Variants in SERPINB9 observed in about 807,000 individuals in gnomAD.
The protein encoded by SERPINB9 is serpin B9.
A neutral mutation model predicts 27.2 loss-of-function variants in SERPINB9; 20 were observed. The observed-to-expected ratio is 0.74, with a 90% CI of 0.52 to 1.07. SERPINB9 has a LOEUF of 1.07. SERPINB9 is among the 50% of genes least tolerant of loss of function. SERPINB9 has a pLI of 0.00. For missense variants in SERPINB9, 476 were observed against 460.1 expected (o/e 1.03, Z -0.32); for synonymous variants, 189 against 180.0 (o/e 1.05, Z -0.40).
Position 2,890,096 on chromosome 6 carries a change from G to T in SERPINB9, c.*67C>A. 6.6e-7 allele frequency: 1 copy of T among 1,504,364 alleles called. No individual in the cohort carries two copies. The highest frequency in any genetic ancestry group is 9.0e-7 in the Non-Finnish European group (1 of 1,111,386). 93.2% of individuals were successfully genotyped at this position (1,504,364 alleles called of 1,614,324 possible). On this transcript the variant is annotated 3_prime_UTR_variant, in exon 7 of 7. Transcript: ENST00000380698. This position sits in a 1 kb window ranked among gnomAD's most constrained non-coding sequence, Gnocchi z 6.2. ...CTTGGCTTTCTAGGCCCATCCTCTT[G>T]GAGCTGTAGTGGGGATCTGGGGACA...
At chr6:2,901,527 C>T (rs925147873) in intron 1 of SERPINB9, among the ~76,000 whole-genome samples, 1 of 152,090 alleles carries the variant, frequency 6.6e-6, no homozygotes, top group Non-Finnish European at 1.5e-5. Context: ...GTAAAACAGG[C>T]GAGAACAAGG....
intron 1 of SERPINB9, among the ~76,000 whole-genome samples, chr6:2,901,902 C>A (rs1197536728): frequency 6.6e-6 from 1 of 152,078 alleles, no homozygotes; most frequent in African/African-American, 2.4e-5. Flanking sequence ...CGCTGGAGAG[C>A]CTTGGACAAT....
rs1338252111 is a variant in SERPINB9 at position 2,890,598 on chromosome 6, T to C, written c.724-28A>G. 1.3e-6 allele frequency: 2 copies of C among 1,586,670 alleles called. No homozygotes were observed. Among genetic ancestry groups the C allele is most frequent in the African/African-American group, 2.7e-5 (2 of 74,148 alleles). ...GAAAGACCAGAATTAGACTTTAAGA[T>C]TCCGACTTCAGTGCACATGTACAAG... On this transcript the variant is annotated intron_variant, in intron 6 of 6. Transcript: ENST00000380698. The surrounding 1 kb of genome is among the most constrained non-coding windows in gnomAD (Gnocchi z 6.2).
At chr6:2,898,299 G>C (rs1768071325) in intron 2 of SERPINB9, among the ~76,000 whole-genome samples, 1 of 152,036 alleles carries the variant, frequency 6.6e-6, no homozygotes, top group African/African-American at 2.4e-5. Flanking sequence ...ATTTACTTTA[G>C]ACAGCTCATA....
rs367551618 is a variant in SERPINB9 at position 2,890,441 on chromosome 6, G to A, written c.853C>T (p.Arg285Trp). The A allele has an allele frequency of 3.3e-5, 54 of 1,614,052 alleles. 1 individual carries two copies. The highest frequency in any genetic ancestry group is 6.7e-5 in the East Asian group (3 of 44,896). ...QEDYDMESVL[R>W]HLGIVDAFQQ... ...AAGGCATCAACAATTCCCAAATGCC[G>A]AAGCACAGATTCCATGTCATAATCC... Residue 285 changes from arginine (R) to tryptophan (W), a missense_variant, in exon 7 of 7, where the codon CGG becomes TGG. Physicochemically the swap from Arg to Trp is moderately radical, Grantham distance 101 (BLOSUM62 -3). Coordinates refer to ENST00000380698, the MANE Select transcript of SERPINB9 (RefSeq NM_004155.6). This position sits in a 1 kb window ranked among gnomAD's most constrained non-coding sequence, Gnocchi z 6.2.
rs75403048 is a variant in SERPINB9 at position 2,887,380 on chromosome 6, C to T, written c.*2783G>A. The T allele has an allele frequency of 4.8e-3, 731 of 151,914 alleles. 8 individuals are homozygous for T. Among genetic ancestry groups the T allele is most frequent in the African/African-American group, 0.017 (708 of 41,414 alleles). The allele number at this position is 151,914 out of a possible 1,614,324, so 9.4% of individuals were successfully genotyped here. A position where few individuals can be genotyped will look rare whatever the true frequency, so the allele number is the denominator to read the frequency against. On this transcript the variant is annotated 3_prime_UTR_variant, in exon 7 of 7. Transcript: ENST00000380698. ...ACAGAGGGATAATATCTTTAATAGG[C>T]AAAGACATATGTAAAAACGAAGCAG...
chr6:2,892,238 G>C (rs1767835434), intron 5 of SERPINB9, among the ~76,000 whole-genome samples: 1 of 151,342 alleles, frequency 6.6e-6, no homozygotes, highest in Non-Finnish European at 1.5e-5. Context: ...ATTTTCCAGA[G>C]GAGAAAGATG....
rs909623007 is a variant in SERPINB9, at chr6:2,903,111, T to C, written c.-11+90A>G. On this transcript the variant is annotated intron_variant, in intron 1 of 6. Coordinates refer to ENST00000380698, the MANE Select transcript of SERPINB9 (RefSeq NM_004155.6). This position sits in a 1 kb window ranked among gnomAD's most constrained non-coding sequence, Gnocchi z 5.2. ...GCTCTTGGCTGAGCGACCTCTCCTG[T>C]CCTCCGGTCCCATCACTCGGTGGCA... The C allele has an allele frequency of 8.6e-5, 13 of 151,744 alleles. No individual in the cohort carries two copies. The highest frequency in any genetic ancestry group is 7.2e-4 in the Admixed American group (11 of 15,254). 9.4% of individuals were successfully genotyped at this position (151,744 alleles called of 1,614,324 possible). A position where few individuals can be genotyped will look rare whatever the true frequency, so the allele number is the denominator to read the frequency against.
rs1415931899 is a variant in SERPINB9 at position 2,900,509 on chromosome 6, T to C, written c.103A>G (p.Ile35Val). Residue 35 changes from isoleucine to valine, a missense_variant, in exon 2 of 7, where the codon ATC (isoleucine) becomes GTC (valine). Transcript: ENST00000380698. ...AGAACCATGGCCAGGGCAGAGGAGA[T>C]GCTCACAGGAGAACAGAACACGTTG... is the stretch of plus-strand genomic sequence containing the variant. ...SHNVFCSPVSISSALAMVLLG... is the reference protein window; with the variant it reads ...SHNVFCSPVSVSSALAMVLLG... The C allele has an allele frequency of 5.6e-6, 9 of 1,614,024 alleles. No homozygotes were observed. The highest frequency in any genetic ancestry group is 1.7e-5 in the Admixed American group (1 of 59,998).
rs1419321957 is a variant in SERPINB9 at position 2,890,474 on chromosome 6, G to C, written c.820C>G (p.Leu274Val). ...EVEVLLPKFK[L>V]QEDYDMESVL... ...GATTCCATGTCATAATCCTCTTGTA[G>C]TTTAAATTTTGGAAGGAGAACTTCA... The change falls in exon 7 of 7, where the codon CTA becomes GTA. Residue 274 changes from leucine to valine, a missense_variant. Coordinates refer to ENST00000380698, the MANE Select transcript of SERPINB9 (RefSeq NM_004155.6). This position sits in a 1 kb window ranked among gnomAD's most constrained non-coding sequence, Gnocchi z 6.2. 1.4e-5 allele frequency: 22 copies of C among 1,614,042 alleles called. No individual in the cohort carries two copies. Among genetic ancestry groups the C allele is most frequent in the African/African-American group, 2.7e-5 (2 of 74,922 alleles).
At position 2,891,783 on chromosome 6, in the gene SERPINB9, GT is replaced by G. The variant is rs1581192846; in HGVS notation, c.723+49del. 1.9e-6 allele frequency: 3 copies of G among 1,540,022 alleles called. No homozygotes were observed. The African/African-American group carries it at 4.2e-5, about 21-fold the overall frequency. ...TATGAGAGGTGGAAGTGGCACTCGA[GT>G]TCTGCCCGCAAAGGTGTCCCTGGGT... On this transcript the variant is annotated intron_variant, in intron 6 of 6. Transcript: ENST00000380698. The surrounding 1 kb of genome is among the most constrained non-coding windows in gnomAD (Gnocchi z 4.0).
chr6:2,895,500 C>A lies in SERPINB9; in HGVS notation c.315G>T (p.Lys105Asn). The change falls in exon 4 of 7, where the codon AAG (lysine) becomes AAT (asparagine). Residue 105 changes from lysine to asparagine, a missense_variant. Coordinates refer to ENST00000380698, the MANE Select transcript of SERPINB9 (RefSeq NM_004155.6). Reference sequence around the variant, plus strand: ...CATGGTAGAATTGAAGACAGGATTCCTTAAACGTCTTTGGAGAGAAAAATG... The same window carrying A: ...CATGGTAGAATTGAAGACAGGATTCATTAAACGTCTTTGGAGAGAAAAATG... ...EKTCQFLSTF[K>N]ESCLQFYHAE... 6.2e-7 allele frequency: 1 copy of A among 1,610,674 alleles called. No homozygotes were observed.
chr6:2,890,539 G>A lies in SERPINB9; in HGVS notation c.755C>T (p.Thr252Ile), dbSNP rs1409573690. The A allele has an allele frequency of 6.2e-7, 1 of 1,609,790 alleles. No individual in the cohort carries two copies. The highest frequency in any genetic ancestry group is 1.7e-5 in the Admixed American group (1 of 59,626). ...CATACAGTCTGGCTTGGTCCAGGCT[G>A]TGAGTTTCTCAAAAGTGAGACTTTT... ...VEKSLTFEKL[T>I]AWTKPDCMKS... The change falls in exon 7 of 7, where the codon ACA becomes ATA. Residue 252 changes from threonine (T) to isoleucine (I), a missense_variant. Physicochemically the swap from Thr to Ile is moderately conservative, Grantham distance 89. Transcript: ENST00000380698. This position sits in a 1 kb window ranked among gnomAD's most constrained non-coding sequence, Gnocchi z 6.2.
rs748113489 is a variant in SERPINB9 at position 2,890,923 on chromosome 6, T to C, written c.724-353A>G. 2.0e-4 allele frequency among the ~76,000 whole-genome samples: 30 copies of C among 152,000 alleles called. No homozygotes were observed. Among genetic ancestry groups the C allele is most frequent in the East Asian group, 9.7e-4 (5 of 5,176 alleles). ...TTTAAAGACAACAAACCATTGCTAG[T>C]AAAGAAAAGGATTGGAAACGAAAGG... On this transcript the variant is annotated intron_variant, in intron 6 of 6. Transcript: ENST00000380698. This position sits in a 1 kb window ranked among gnomAD's most constrained non-coding sequence, Gnocchi z 6.2.
chr6:2,891,839 G>A lies in SERPINB9; in HGVS notation c.717C>T (p.Leu239=). 2 of 1,603,190 alleles carry A rather than the reference G, an allele frequency of 1.2e-6. No individual in the cohort carries two copies. The highest frequency in any genetic ancestry group is 8.5e-7 in the Non-Finnish European group (1 of 1,178,044). ...LVLLPDDGVE[L]STVEKSLTFE... ...CCCGCAGCCCGGGTCTTACCGTGCTGAGCTCCACGCCGTCGTCAGGCAGCA... is the reference window on the plus strand; with the variant it reads ...CCCGCAGCCCGGGTCTTACCGTGCTAAGCTCCACGCCGTCGTCAGGCAGCA... Residue 239 remains leucine (L), a synonymous_variant, in exon 6 of 7, where the codon CTC becomes CTT. Transcript: ENST00000380698. This position sits in a 1 kb window ranked among gnomAD's most constrained non-coding sequence, Gnocchi z 4.0.
chr6:2,893,375 C>T, intron 5 of SERPINB9, 36 bp downstream of exon 5: 2 of 1,579,138 alleles, frequency 1.3e-6, no homozygotes, highest in Non-Finnish European at 1.7e-6. Flanking sequence ...TCAACTTCTT[C>T]ATCAAACTAG....
At chr6:2,898,605 C>G (rs1183242231) in intron 2 of SERPINB9, among the ~76,000 whole-genome samples, 2 of 152,172 alleles carry the variant, frequency 1.3e-5, no homozygotes, top group African/African-American at 4.8e-5. Context: ...ATCACGAGGT[C>G]AGGTGATCGA....
At chr6:2,896,233 T>A in intron 2 of SERPINB9, 43 bp from the exon 3 acceptor site, 1 of 1,595,916 alleles carries the variant, frequency 6.3e-7, no homozygotes, top group South Asian at 1.1e-5. Flanking sequence ...GATAGCTCTT[T>A]GATGGCTGGG....
At position 2,890,215 on chromosome 6, in the gene SERPINB9, C is replaced by T. The variant is rs746828289; in HGVS notation, c.1079G>A (p.Arg360Lys). The change falls in exon 7 of 7, where the codon AGG becomes AAG. Residue 360 changes from arginine to lysine, a missense_variant. Arg to Lys is a conservative substitution (Grantham distance 26). Coordinates refer to ENST00000380698, the MANE Select transcript of SERPINB9 (RefSeq NM_004155.6). The surrounding 1 kb of genome is among the most constrained non-coding windows in gnomAD (Gnocchi z 6.2). Reference protein sequence around the residue: ...CADHPFLFFIRHNRANSILFC... With the variant: ...CADHPFLFFIKHNRANSILFC... ...CAGAATGCTGTTGGCTCTGTTGTGC[C>T]TGATGAAGAAAAGGAAAGGGTGGTC... 5.7e-5 allele frequency: 92 copies of T among 1,614,086 alleles called. 1 individual carries two copies. In the South Asian group the frequency reaches 9.8e-4, roughly 17 times the overall value.
Sources: gnomAD v4.1 joint callset for allele counts (sites outside exome capture counted in the v4.1 genomes callset) on GRCh38, gnomAD v4.1.1 for gene constraint, Gnocchi (gnomAD v3.1) non-coding constraint, MANE v1.5 for transcripts, NCBI Gene and HGNC (gene_info 2026-07-23, HGNC 2026-07-21) for gene names.